Variants in CPED1 observed in about 807,000 individuals in gnomAD.
CPED1 encodes the protein cadherin-like and PC-esterase domain-containing protein 1.
In CPED1, 114 loss-of-function variants were observed where a neutral mutation model predicts 128.2. That is an observed-to-expected ratio of 0.89 (90% CI 0.76 to 1.04). The LOEUF (loss-of-function observed/expected upper bound fraction) is 1.04. Among genes scored for constraint, CPED1 ranks in the 50% least tolerant of loss-of-function variants. CPED1 has a pLI of 0.00. For missense variants in CPED1, 1,211 were observed against 1,207.1 expected, an observed-to-expected ratio of 1.00 and a Z score of -0.05; for synonymous variants, 462 against 426.7, an observed-to-expected ratio of 1.08 and a Z score of -1.02.
chr7:121,258,798 G>A (rs758265445), intron 18 of CPED1, among the ~76,000 whole-genome samples: 2 of 152,030 alleles, frequency 1.3e-5, no homozygotes, highest in African/African-American at 2.4e-5. Flanking sequence ...CAATTAATAT[G>A]TAAAATTCGA....
intron 18 of CPED1, among the ~76,000 whole-genome samples, chr7:121,251,465 G>C (rs1446954251): frequency 2.0e-5 from 3 of 152,008 alleles, no homozygotes; most frequent in African/African-American, 7.2e-5. Flanking sequence ...GTTCTGGCCA[G>C]GGCAATCAGG....
chr7:121,023,391 C>G (rs553831421), intron 3 of CPED1, among the ~76,000 whole-genome samples: 1 of 152,250 alleles, frequency 6.6e-6, no homozygotes, highest in Non-Finnish European at 1.5e-5. Flanking sequence ...AGCAATAGAA[C>G]AGCCCAGAAC....
rs1554418468 is a variant in CPED1, at chr7:120,994,625, C to CTCTGTGTGTG, written c.249+4756_249+4757insCTGTGTGTGT. 2.1e-5 allele frequency among the ~76,000 whole-genome samples: 3 copies of CTCTGTGTGTG among 144,570 alleles called. No homozygotes were observed. The East Asian group carries it at 6.1e-4, about 30-fold the overall frequency. The allele number at this position is 144,570 out of a possible 152,430, so 94.8% of individuals were successfully genotyped here. A position where few individuals can be genotyped will look rare whatever the true frequency, so the allele number is the denominator to read the frequency against. On this transcript the variant is annotated intron_variant, in intron 2 of 22. Coordinates refer to ENST00000310396, the MANE Select transcript of CPED1 (RefSeq NM_024913.5). Reference sequence around the variant, plus strand: ...TGGAGAATTCAAAGTATTTGTTATACTGTGTGTGTGTGTGTGTGTGTGTGT... The same window carrying CTCTGTGTGTG: ...TGGAGAATTCAAAGTATTTGTTATACTCTGTGTGTGTGTGTGTGTGTGTGTGTGTGTGTGT...
intron 14 of CPED1, among the ~76,000 whole-genome samples, chr7:121,140,383 G>A (rs1795873992): frequency 6.6e-6 from 1 of 151,926 alleles, no homozygotes; most frequent in South Asian, 2.1e-4. Flanking sequence ...CAATCAAGTG[G>A]TATTTCAATG....
chr7:121,215,896 AAAT>A (rs1335912001), intron 16 of CPED1, among the ~76,000 whole-genome samples: 1 of 152,038 alleles, frequency 6.6e-6, no homozygotes, highest in Non-Finnish European at 1.5e-5. Flanking sequence ...TTCACTTCAA[AAAT>A]AATAATGACA....
intron 16 of CPED1, among the ~76,000 whole-genome samples, chr7:121,216,016 C>A (rs1797751595): frequency 1.3e-5 from 2 of 151,984 alleles, no homozygotes; most frequent in Admixed American, 6.6e-5. Context: ...TTGCCCAAGA[C>A]CACACAGCTA....
chr7:121,030,530 C>T (rs1437558659), intron 3 of CPED1, among the ~76,000 whole-genome samples: 1 of 152,196 alleles, frequency 6.6e-6, no homozygotes, highest in African/African-American at 2.4e-5. Flanking sequence ...TGTAGATGCC[C>T]CCTACCCTTT....
intron 7 of CPED1, among the ~76,000 whole-genome samples, chr7:121,100,404 T>G (rs542401875): frequency 6.6e-6 from 1 of 152,316 alleles, no homozygotes; most frequent in East Asian, 1.9e-4. Flanking sequence ...AATTTTTCAC[T>G]TATTCAAGAA....
chr7:120,991,399 G>A (rs1346709361), intron 2 of CPED1, among the ~76,000 whole-genome samples: 1 of 152,066 alleles, frequency 6.6e-6, no homozygotes, highest in African/African-American at 2.4e-5. Context: ...TTCTTTTCCT[G>A]ACTACATCAC....
intron 16 of CPED1, among the ~76,000 whole-genome samples, chr7:121,183,769 C>G (rs1445723777): frequency 2.0e-5 from 3 of 152,090 alleles, no homozygotes; most frequent in Non-Finnish European, 4.4e-5. Context: ...GAGAATAAAG[C>G]ACAGAATTAG....
chr7:121,253,967 A>T (rs1341549790), intron 18 of CPED1, among the ~76,000 whole-genome samples: 1 of 152,072 alleles, frequency 6.6e-6, no homozygotes, highest in African/African-American at 2.4e-5. Flanking sequence ...TAATAGTGGG[A>T]GACTTTAACA....
intron 6 of CPED1, among the ~76,000 whole-genome samples, chr7:121,099,084 C>G (rs1273921464): frequency 6.6e-6 from 1 of 150,716 alleles, no homozygotes; most frequent in Non-Finnish European, 1.5e-5. Flanking sequence ...GGAGTAGGGA[C>G]ATTAGGTAAG....
At chr7:121,154,893 G>A (rs916522038) in intron 16 of CPED1, among the ~76,000 whole-genome samples, 1 of 152,146 alleles carries the variant, frequency 6.6e-6, no homozygotes, top group African/African-American at 2.4e-5. Flanking sequence ...AAATAATACG[G>A]TTTTCATTCT....
chr7:121,093,669 C>A (rs971703087), intron 5 of CPED1, among the ~76,000 whole-genome samples: 2 of 152,116 alleles, frequency 1.3e-5, no homozygotes, highest in Admixed American at 6.6e-5. Context: ...TGTTGCCAGG[C>A]TCCTTCCCCT....
intron 16 of CPED1, among the ~76,000 whole-genome samples, chr7:121,178,645 A>G (rs190238206): frequency 6.6e-6 from 1 of 152,224 alleles, no homozygotes; most frequent in African/African-American, 2.4e-5. Flanking sequence ...ATGGAATGCC[A>G]GGAGTGACAG....
intron 3 of CPED1, among the ~76,000 whole-genome samples, chr7:121,035,173 T>C (rs1018289308): frequency 1.3e-5 from 2 of 152,120 alleles, no homozygotes; most frequent in Non-Finnish European, 2.9e-5. Context: ...GAAAGGAGAC[T>C]AGAAGACTGG....
intron 7 of CPED1, 145 bp downstream of exon 7, chr7:121,100,239 T>G: frequency 1.4e-6 from 1 of 724,602 alleles, no homozygotes; most frequent in Non-Finnish European, 2.2e-6. Context: ...GAAAAGATTT[T>G]CACTTAATAG....
chr7:121,128,508 A>G, intron 11 of CPED1, 22 bp downstream of exon 11: 4 of 1,279,196 alleles, frequency 3.1e-6, no homozygotes, highest in Non-Finnish European at 4.6e-6. Context: ...GTGACATTTG[A>G]TTCTTTCTTG....
chr7:121,118,586 GAAA>G (rs748045661), intron 7 of CPED1, among the ~76,000 whole-genome samples: 3 of 144,204 alleles, frequency 2.1e-5, no homozygotes, highest in African/African-American at 7.7e-5. Flanking sequence ...GAGAGAGAAA[GAAA>G]AAAAAAACCA....
Sources: gnomAD v4.1 joint callset for allele counts (sites outside exome capture counted in the v4.1 genomes callset) on GRCh38, gnomAD v4.1.1 for gene constraint, MANE v1.5 for transcripts, NCBI Gene and HGNC (gene_info 2026-07-23, HGNC 2026-07-21) for gene names.